ZEB1: variants seen among roughly 807,000 people sequenced by gnomAD.
ZEB1 encodes zinc finger E-box binding homeobox 1.
ZEB1 carries 21 observed loss-of-function variants against 84.9 expected under a neutral mutation model. That is an observed-to-expected ratio of 0.25 (90% CI 0.18 to 0.36). The LOEUF (loss-of-function observed/expected upper bound fraction) is 0.36. Among genes scored for constraint, ZEB1 ranks in the 10% least tolerant of loss-of-function variants. The pLI, the probability that ZEB1 is intolerant of heterozygous loss-of-function variation, is 1.00. For synonymous variants in ZEB1, 420 were observed against 471.1 expected, an observed-to-expected ratio of 0.89 and a Z score of 1.41; for missense variants, 1,104 against 1,330.2, an observed-to-expected ratio of 0.83 and a Z score of 2.65.
chr10:31,417,413 A>G (rs1056406180), intron 1 of ZEB1, among the ~76,000 whole-genome samples: 6 of 152,128 alleles, frequency 3.9e-5, no homozygotes, highest in Non-Finnish European at 7.4e-5. Context: ...GACTTGGATC[A>G]TTCTTTTTAT....
chr10:31,468,595 A>G (rs1403109059), intron 2 of ZEB1, among the ~76,000 whole-genome samples: 1 of 152,208 alleles, frequency 6.6e-6, no homozygotes, highest in Admixed American at 6.5e-5. Flanking sequence ...CTTACCACAT[A>G]TACAGCATAC....
In ZEB1 at chr10:31,521,895, C is replaced by A. The variant is rs139581793; in HGVS notation, c.2563C>A (p.Gln855Lys). ...TYSTTVSPAVQEPPLKVIQPN... is the reference protein window; with the variant it reads ...TYSTTVSPAVKEPPLKVIQPN... ...CTCAACTACGGTCAGCCCTGCAGTC[C>A]AAGAACCACCCTTGAAAGTGATCCA... Residue 855 changes from glutamine (Q) to lysine (K), a missense_variant, in exon 7 of 9, where the codon CAA becomes AAA. By Grantham distance (53) the Gln-to-Lys change is moderately conservative. This residue lies in a region of ZEB1 where 531 missense variants were observed against 575.2 expected (regional missense o/e 0.92). Coordinates refer to ENST00000424869, the MANE Select transcript of ZEB1 (RefSeq NM_001174096.2). The A allele has an allele frequency of 9.3e-4, 1,498 of 1,614,058 alleles. 17 individuals are homozygous for A. The African/African-American group carries it at 0.018, about 19-fold the overall frequency.
chr10:31,512,789 A>G (rs2070334029), intron 5 of ZEB1, among the ~76,000 whole-genome samples: 1 of 152,180 alleles, frequency 6.6e-6, no homozygotes, highest in South Asian at 2.1e-4. Context: ...GCTAGGTTTC[A>G]CAGAGAAGGG....
At chr10:31,486,229 A>G (rs1047104164) in intron 2 of ZEB1, among the ~76,000 whole-genome samples, 6 of 151,750 alleles carry the variant, frequency 4.0e-5, no homozygotes, top group Middle Eastern at 3.4e-3. Flanking sequence ...TTAAGTTTTC[A>G]TTTCTCTAGG....
intron 1 of ZEB1, among the ~76,000 whole-genome samples, chr10:31,327,867 GATAGTTGCTTTAATTT>G (rs966188415): frequency 6.6e-6 from 1 of 152,128 alleles, no homozygotes; most frequent in Non-Finnish European, 1.5e-5. Flanking sequence ...AATATAATCT[GATAGTTGCTTTAATTT>G]ATGTTTCTCT....
At chr10:31,524,771 A>C (rs1234883075) in intron 8 of ZEB1, among the ~76,000 whole-genome samples, 1 of 147,688 alleles carries the variant, frequency 6.8e-6, no homozygotes, top group African/African-American at 2.7e-5. Flanking sequence ...GGCTAAAGTC[A>C]TAGGGAGACA....
intron 2 of ZEB1, among the ~76,000 whole-genome samples, chr10:31,483,892 C>CT (rs1554900178): frequency 6.6e-6 from 1 of 151,998 alleles, no homozygotes; most frequent in Admixed American, 6.6e-5. Context: ...GGGCTAAAAT[C>CT]TAAGTGTTGT....
intron 1 of ZEB1, among the ~76,000 whole-genome samples, chr10:31,369,880 CTT>C (rs2045385120): frequency 1.3e-5 from 2 of 152,174 alleles, no homozygotes; most frequent in African/African-American, 4.8e-5. Flanking sequence ...TACCTTTCAT[CTT>C]TTTGATAAAA....
intron 1 of ZEB1, among the ~76,000 whole-genome samples, chr10:31,341,867 G>A (rs2039433578): frequency 6.6e-6 from 1 of 152,170 alleles, no homozygotes; most frequent in Non-Finnish European, 1.5e-5. Context: ...ATATCGTTGT[G>A]ATTTCCTTAG....
chr10:31,520,743 A>C lies in ZEB1; in HGVS notation c.1411A>C (p.Thr471Pro). The change falls in exon 7 of 9, where the codon ACA becomes CCA. Residue 471 changes from threonine to proline, a missense_variant. By Grantham distance (38) the Thr-to-Pro change is conservative (BLOSUM62 -1). This residue lies in a region of ZEB1 where 531 missense variants were observed against 575.2 expected (regional missense o/e 0.92). Coordinates refer to ENST00000424869, the MANE Select transcript of ZEB1 (RefSeq NM_001174096.2). The surrounding 1 kb of genome is among the most constrained non-coding windows in gnomAD (Gnocchi z 5.1). ...ISLPLVDQDG[T>P]TKIIINYSLE... ...TCTTCCTTTGGTTGATCAAGATGGA[A>C]CAACCAAAATTATCATCAACTACAG... is the stretch of plus-strand genomic sequence containing the variant. The C allele has an allele frequency of 6.2e-7, 1 of 1,614,124 alleles. No homozygotes were observed. The highest frequency in any genetic ancestry group is 8.5e-7 in the Non-Finnish European group (1 of 1,180,002).
intron 6 of ZEB1, 94 bp downstream of exon 6, chr10:31,514,802 A>G (rs963121738): frequency 9.7e-7 from 1 of 1,025,976 alleles, no homozygotes; most frequent in South Asian, 1.5e-5. Context: ...ATGATCAGAA[A>G]CTCCTTGCAT....
At chr10:31,490,776 T>TA (rs1464407719) in intron 2 of ZEB1, among the ~76,000 whole-genome samples, 3 of 151,804 alleles carry the variant, frequency 2.0e-5, no homozygotes, top group Non-Finnish European at 4.4e-5. Context: ...TTTCAAGTAT[T>TA]ATGTTGTGAG....
intron 1 of ZEB1, chr10:31,361,225 G>T: frequency 3.7e-6 from 6 of 1,610,350 alleles, no homozygotes; most frequent in East Asian, 2.2e-5. Context: ...ACGCAGTCTT[G>T]CTCTGTCACC....
intron 1 of ZEB1, among the ~76,000 whole-genome samples, chr10:31,448,147 C>T (rs1164970538): frequency 6.4e-4 from 92 of 143,268 alleles, no homozygotes; most frequent in African/African-American, 2.4e-3. Context: ...TCCCTTCTCG[C>T]TTCATTTCAT....
At chr10:31,440,871 G>A (rs890779852) in intron 1 of ZEB1, among the ~76,000 whole-genome samples, 2 of 152,096 alleles carry the variant, frequency 1.3e-5, no homozygotes, top group Non-Finnish European at 2.9e-5. Context: ...ACCTCTTCAA[G>A]GAGAACTACA....
intron 2 of ZEB1, among the ~76,000 whole-genome samples, chr10:31,492,154 A>G (rs1415687689): frequency 6.6e-6 from 1 of 151,894 alleles, no homozygotes; most frequent in Non-Finnish European, 1.5e-5. Flanking sequence ...AGGCAGAGGG[A>G]GCAACTTCAG....
intron 1 of ZEB1, among the ~76,000 whole-genome samples, chr10:31,328,927 G>A (rs2036164891): frequency 1.3e-5 from 2 of 151,972 alleles, no homozygotes; most frequent in Non-Finnish European, 2.9e-5. Flanking sequence ...TAAGAAGATG[G>A]CTGTCTTACT....
chr10:31,356,352 GTATA>G (rs3057777), intron 1 of ZEB1, among the ~76,000 whole-genome samples: 2 of 146,912 alleles, frequency 1.4e-5, no homozygotes, highest in African/African-American at 2.5e-5. Context: ...TATATGATGT[GTATA>G]TATATATATA....
intron 5 of ZEB1, among the ~76,000 whole-genome samples, chr10:31,512,747 G>A (rs1252213056): frequency 6.6e-6 from 1 of 152,136 alleles, no homozygotes; most frequent in Non-Finnish European, 1.5e-5. Context: ...GAAAAATACA[G>A]CAGGATAAGA....
Sources: allele counts gnomAD v4.1 joint callset (sites outside exome capture counted in the v4.1 genomes callset), GRCh38; gene constraint gnomAD v4.1.1; regional missense constraint gnomAD v4.1.1; non-coding constraint Gnocchi (gnomAD v3.1); transcripts MANE v1.5; gene names NCBI Gene and HGNC (gene_info 2026-07-23, HGNC 2026-07-21).